Variants in ADAMTSL1 observed in about 807,000 individuals in gnomAD.
The protein encoded by ADAMTSL1 is ADAMTS-like protein 1.
A neutral mutation model predicts 201.8 loss-of-function variants in ADAMTSL1; 126 were observed. That is an observed-to-expected ratio of 0.62 (90% confidence interval 0.54 to 0.72). The LOEUF (loss-of-function observed/expected upper bound fraction) is 0.72. Among genes scored for constraint, ADAMTSL1 ranks in the 30% least tolerant of loss-of-function variants. The pLI, the probability that ADAMTSL1 is intolerant of heterozygous loss-of-function variation, is 0.00. For synonymous variants in ADAMTSL1, 1,121 were observed against 903.4 expected (o/e 1.24, Z -4.32); for missense variants, 2,679 against 2,277.8 (o/e 1.18, Z -3.59).
intron 23 of ADAMTSL1, among the ~76,000 whole-genome samples, chr9:18,853,919 G>GTGCA (rs1554648756): frequency 5.0e-4 from 25 of 49,872 alleles, no homozygotes; most frequent in Non-Finnish European, 7.5e-4. Context: ...GTGTGTGTGT[G>GTGCA]CGCGTGCATG....
At chr9:18,376,113 A>G (rs1037574740) in intron 2 of ADAMTSL1, among the ~76,000 whole-genome samples, 1 of 152,236 alleles carries the variant, frequency 6.6e-6, no homozygotes. Context: ...CTGTTCCAGA[A>G]ATAATATTCT....
At chr9:18,719,450 C>G (rs1833188728) in intron 14 of ADAMTSL1, among the ~76,000 whole-genome samples, 1 of 152,104 alleles carries the variant, frequency 6.6e-6, no homozygotes, top group African/African-American at 2.4e-5. Flanking sequence ...CTGCAACCTT[C>G]ACCTCCCATG....
At chr9:18,679,748 G>C (rs907649821) in intron 10 of ADAMTSL1, among the ~76,000 whole-genome samples, 3 of 152,084 alleles carry the variant, frequency 2.0e-5, no homozygotes, top group African/African-American at 7.2e-5. Flanking sequence ...GAATTGTGCT[G>C]AATCTAAGTA....
intron 16 of ADAMTSL1, among the ~76,000 whole-genome samples, chr9:18,769,430 C>T (rs954379488): frequency 2.0e-5 from 3 of 152,174 alleles, no homozygotes; most frequent in Non-Finnish European, 4.4e-5. Flanking sequence ...ACAGAGTAGT[C>T]GTGGGTTGAA....
chr9:18,898,478 T>C (rs1355301793), intron 26 of ADAMTSL1, among the ~76,000 whole-genome samples: 5 of 152,200 alleles, frequency 3.3e-5, no homozygotes, highest in Non-Finnish European at 4.4e-5. Context: ...GAAAAAAGAA[T>C]GGAAAGGAAC....
intron 1 of ADAMTSL1, among the ~76,000 whole-genome samples, chr9:18,132,057 C>T (rs746125687): frequency 4.6e-5 from 7 of 152,116 alleles, no homozygotes; most frequent in Non-Finnish European, 8.8e-5. Context: ...TCATTTCTAT[C>T]TACTAAGGAT....
intron 2 of ADAMTSL1, among the ~76,000 whole-genome samples, chr9:18,255,297 C>T (rs796961019): frequency 6.6e-6 from 1 of 151,728 alleles, no homozygotes; most frequent in African/African-American, 2.4e-5. Context: ...GGCGTATAAG[C>T]GGCAGGCGTA....
At chr9:18,610,386 G>C (rs1825295993) in intron 4 of ADAMTSL1, among the ~76,000 whole-genome samples, 1 of 152,134 alleles carries the variant, frequency 6.6e-6, no homozygotes, top group African/African-American at 2.4e-5. Flanking sequence ...ATGCATTTGA[G>C]ATACTTTTGA....
rs183489872 is a variant in ADAMTSL1, at chr9:18,531,055, T to A, written c.192-2192T>A. 9.6e-4 allele frequency among the ~76,000 whole-genome samples: 146 copies of A among 152,330 alleles called. 2 individuals are homozygous for A. Among genetic ancestry groups the A allele is most frequent in the Middle Eastern group, 6.8e-3 (2 of 294 alleles). ...CATATTGTTGGAGTCAGAAACCTGA[T>A]ATTTTTCAGCAATAGCACCAAGAAC... On this transcript the variant is annotated intron_variant, in intron 2 of 28. Transcript: ENST00000380548.
chr9:18,438,531 C>T (rs1343949912), intron 2 of ADAMTSL1, among the ~76,000 whole-genome samples: 2 of 152,154 alleles, frequency 1.3e-5, no homozygotes, highest in African/African-American at 2.4e-5. Context: ...GGCTGGCTTC[C>T]TCCTCTCTCC....
intron 17 of ADAMTSL1, among the ~76,000 whole-genome samples, chr9:18,775,104 T>C (rs1381016403): frequency 1.3e-5 from 2 of 152,198 alleles, no homozygotes; most frequent in Admixed American, 6.5e-5. Context: ...TTGTATCTCA[T>C]GGTGGTTTTG....
At chr9:18,831,187 AG>A (rs35629493) in intron 23 of ADAMTSL1, among the ~76,000 whole-genome samples, 1 of 152,256 alleles carries the variant, frequency 6.6e-6, no homozygotes, top group Non-Finnish European at 1.5e-5. Flanking sequence ...AATAAGACAC[AG>A]GGAAAGTAAC....
rs573839634 is a variant in ADAMTSL1 at position 18,187,523 on chromosome 9, G to A, written c.207+23542G>A. 7.2e-4 allele frequency among the ~76,000 whole-genome samples: 110 copies of A among 151,794 alleles called. 1 individual carries two copies. The highest frequency in any genetic ancestry group is 6.8e-3 in the Middle Eastern group (2 of 294). ...TGTGTATAATGTGGTCCCTGTTTTG[G>A]AATAAAAAGAAAGAAAAAAATTTAA... On this transcript the variant is annotated intron_variant, in intron 2 of 29. Transcript: ENST00000680146.
intron 23 of ADAMTSL1, among the ~76,000 whole-genome samples, chr9:18,851,583 C>A (rs912659686): frequency 2.0e-5 from 3 of 152,146 alleles, no homozygotes; most frequent in African/African-American, 7.2e-5. Flanking sequence ...GAGGGCCAAG[C>A]CAGCAACTTA....
chr9:18,323,310 T>A (rs1563886539), intron 2 of ADAMTSL1, among the ~76,000 whole-genome samples: 1 of 152,092 alleles, frequency 6.6e-6, no homozygotes. Flanking sequence ...AATGGAGTAA[T>A]AAAAATTATT....
At chr9:18,791,094 GC>G (rs1337729020) in intron 19 of ADAMTSL1, among the ~76,000 whole-genome samples, 1 of 152,194 alleles carries the variant, frequency 6.6e-6, no homozygotes, top group African/African-American at 2.4e-5. Flanking sequence ...AGCGAATTAA[GC>G]TAAATTAATA....
In ADAMTSL1 at chr9:18,560,971, A is replaced by AT. The variant is rs572846630; in HGVS notation, c.238-13052dup. Among the ~76,000 whole-genome samples the AT allele has an allele frequency of 9.3e-3, 1,348 of 145,324 alleles. 13 individuals carry two copies. The highest frequency in any genetic ancestry group is 0.014 in the Non-Finnish European group (933 of 66,362). ...AAAAAAACAGCTCCTGGATTCATTG[A>AT]TTTTTTTGAAGGGTTTTTTATGTCT... On this transcript the variant is annotated intron_variant, in intron 3 of 28. Transcript: ENST00000380548.
chr9:18,897,868 A>G (rs1432558657), intron 26 of ADAMTSL1, among the ~76,000 whole-genome samples: 1 of 152,188 alleles, frequency 6.6e-6, no homozygotes, highest in Non-Finnish European at 1.5e-5. Context: ...TTGAATTGAC[A>G]TAAGTTGGCT....
intron 1 of ADAMTSL1, among the ~76,000 whole-genome samples, chr9:18,083,906 G>A (rs546477670): frequency 4.1e-4 from 62 of 152,114 alleles, no homozygotes; most frequent in Non-Finnish European, 6.8e-4. Flanking sequence ...TCTTGTTTCC[G>A]TAGACCTAGA....
Sources: gnomAD v4.1 joint callset for allele counts (sites outside exome capture counted in the v4.1 genomes callset) on GRCh38, gnomAD v4.1.1 for gene constraint, MANE v1.5 for transcripts, NCBI Gene and HGNC (gene_info 2026-07-23, HGNC 2026-07-21) for gene names.